The following FIG4 variants were observed in gnomAD, a reference collection of about 807,000 sequenced individuals.
The protein encoded by FIG4 is FIG4 phosphoinositide 5-phosphatase.
FIG4 carries 112 observed loss-of-function variants against 118.6 expected under a neutral mutation model. The observed-to-expected ratio is 0.94, with a 90% CI of 0.81 to 1.11. The LOEUF (loss-of-function observed/expected upper bound fraction) is 1.11. Among genes scored for constraint, FIG4 ranks in the 50% least tolerant of loss-of-function variants. The pLI, the probability that FIG4 is intolerant of heterozygous loss-of-function variation, is 0.00. For synonymous variants in FIG4, 369 were observed against 381.2 expected, an observed-to-expected ratio of 0.97 and a Z score of 0.37; for missense variants, 969 against 1,111.7, an observed-to-expected ratio of 0.87 and a Z score of 1.83.
chr6:109,824,190 T>C (rs1202543604), intron 22 of FIG4, among the ~76,000 whole-genome samples: 1 of 152,162 alleles, frequency 6.6e-6, no homozygotes. Flanking sequence ...AGGGATATTT[T>C]TGAATAGAGA....
At chr6:109,745,008 A>G (rs1034005184) in intron 10 of FIG4, among the ~76,000 whole-genome samples, 10 of 152,096 alleles carry the variant, frequency 6.6e-5, no homozygotes, top group African/African-American at 1.9e-4. Context: ...TCCATGGTGT[A>G]TATGTGTCAC....
intron 10 of FIG4, among the ~76,000 whole-genome samples, chr6:109,758,803 C>T (rs1413588789): frequency 6.6e-6 from 1 of 152,176 alleles, no homozygotes; most frequent in East Asian, 1.9e-4. Flanking sequence ...TATGAACAGA[C>T]ACTTCTCAAA....
intron 5 of FIG4, among the ~76,000 whole-genome samples, chr6:109,733,695 T>G (rs970041792): frequency 6.6e-5 from 10 of 152,044 alleles, no homozygotes; most frequent in Non-Finnish European, 8.8e-5. Flanking sequence ...AGAAATAGTT[T>G]TTACTTCCAC....
chr6:109,736,104 A>C (rs932716175), intron 6 of FIG4, among the ~76,000 whole-genome samples: 2 of 152,110 alleles, frequency 1.3e-5, no homozygotes, highest in African/African-American at 4.8e-5. Context: ...AAGACACTTT[A>C]GTTGTGTTCA....
At chr6:109,770,799 A>C in intron 15 of FIG4, among the ~76,000 whole-genome samples, 1 of 152,192 alleles carries the variant, frequency 6.6e-6, no homozygotes, top group East Asian at 1.9e-4. Context: ...CCATCTCCAA[A>C]ATTGTGGATT....
chr6:109,761,097 T>C (rs532880006), intron 11 of FIG4, among the ~76,000 whole-genome samples: 38 of 152,356 alleles, frequency 2.5e-4, no homozygotes, highest in African/African-American at 7.0e-4. Context: ...TTTGTACTTA[T>C]TGTACTTTTT....
Position 109,732,723 on chromosome 6 carries a change from A to G in FIG4, c.497+36A>G, listed in dbSNP as rs750491159. ...GGTTAGTTTTGCTCCTATCAATCAC[A>G]TAAACTTTTATATTATTTTCCAGCG... is the stretch of plus-strand genomic sequence containing the variant. On this transcript the variant is annotated intron_variant, in intron 5 of 22. Transcript: ENST00000230124. 2.5e-5 allele frequency: 30 copies of G among 1,218,266 alleles called. 1 individual carries two copies. The South Asian group carries it at 3.4e-4, about 14-fold the overall frequency. The allele number at this position is 1,218,266 out of a possible 1,614,324, so 75.5% of individuals were successfully genotyped here.
chr6:109,805,497 C>T (rs1268012183), intron 22 of FIG4, among the ~76,000 whole-genome samples: 1 of 152,102 alleles, frequency 6.6e-6, no homozygotes, highest in African/African-American at 2.4e-5. Context: ...TCTTAAAAAT[C>T]TTGCCTCTCA....
At chr6:109,694,883 G>T (rs555040904) in intron 1 of FIG4, among the ~76,000 whole-genome samples, 3 of 152,190 alleles carry the variant, frequency 2.0e-5, no homozygotes, top group Non-Finnish European at 4.4e-5. Flanking sequence ...AAACCACAGT[G>T]AGATATCATG....
chr6:109,763,821 T>C (rs1777185514), intron 12 of FIG4, 116 bp from the exon 13 acceptor site: 1 of 751,798 alleles, frequency 1.3e-6, no homozygotes, highest in Non-Finnish European at 2.3e-6. Context: ...AGCTGATTTT[T>C]CAGGAGCCTT....
At chr6:109,727,701 C>G (rs1460432045) in intron 4 of FIG4, among the ~76,000 whole-genome samples, 1 of 152,052 alleles carries the variant, frequency 6.6e-6, no homozygotes, top group East Asian at 1.9e-4. Flanking sequence ...TCAAACTTCA[C>G]ATCACCAATA....
At chr6:109,776,481 A>G (rs1046641058) in intron 15 of FIG4, among the ~76,000 whole-genome samples, 4 of 152,190 alleles carry the variant, frequency 2.6e-5, no homozygotes, top group Admixed American at 2.0e-4. Context: ...GTGCAACAGA[A>G]TATGGATAGA....
chr6:109,760,387 A>T lies in FIG4; in HGVS notation c.1271+4A>T. 5.0e-6 allele frequency: 8 copies of T among 1,611,128 alleles called. No individual in the cohort carries two copies. The highest frequency in any genetic ancestry group is 6.8e-6 in the Non-Finnish European group (8 of 1,177,530). ...ACATGGCCAAGTATACCAAAAGGTG[A>T]ATGATACTCATCTGTCTGGCTATGA... On this transcript the variant is annotated splice_donor_region_variant and intron_variant, in intron 11 of 22. Transcript: ENST00000230124.
intron 22 of FIG4, among the ~76,000 whole-genome samples, chr6:109,816,423 G>A (rs1366403707): frequency 4.6e-5 from 7 of 152,218 alleles, no homozygotes; most frequent in Admixed American, 2.0e-4. Context: ...AAGGAGACGT[G>A]ATGACTAAAT....
intron 17 of FIG4, among the ~76,000 whole-genome samples, 160 bp downstream of exon 17, chr6:109,785,188 C>T (rs1207810352): frequency 1.3e-5 from 2 of 152,118 alleles, no homozygotes; most frequent in East Asian, 3.8e-4. Flanking sequence ...GATATTATAA[C>T]ATCTCTTAGC....
chr6:109,796,633 C>T (rs763349934), intron 21 of FIG4, 132 bp from the exon 22 acceptor site: 2 of 741,820 alleles, frequency 2.7e-6, no homozygotes, highest in East Asian at 4.9e-5. Flanking sequence ...ATGTTACATA[C>T]AGTACTCTTA....
At chr6:109,720,081 G>A (rs1167920660) in intron 3 of FIG4, among the ~76,000 whole-genome samples, 3 of 152,184 alleles carry the variant, frequency 2.0e-5, no homozygotes, top group Non-Finnish European at 4.4e-5. Flanking sequence ...CATGTATGGT[G>A]AAGTCATTGT....
intron 22 of FIG4, among the ~76,000 whole-genome samples, chr6:109,813,941 G>A (rs1341849694): frequency 6.6e-6 from 1 of 152,178 alleles, no homozygotes; most frequent in Non-Finnish European, 1.5e-5. Context: ...GTAATCAACA[G>A]ATTGACTGCA....
intron 6 of FIG4, 105 bp downstream of exon 6, chr6:109,735,403 T>C: frequency 2.7e-6 from 3 of 1,116,036 alleles, no homozygotes; most frequent in Non-Finnish European, 4.1e-6. Context: ...CCCTCTTTGC[T>C]GTTTGTCCTT....
Sources: gnomAD v4.1 joint callset for allele counts (sites outside exome capture counted in the v4.1 genomes callset) on GRCh38, gnomAD v4.1.1 for gene constraint, MANE v1.5 for transcripts, NCBI Gene and HGNC (gene_info 2026-07-23, HGNC 2026-07-21) for gene names.